Variants in FGGY observed in about 807,000 individuals in gnomAD.
FGGY encodes the protein FGGY carbohydrate kinase domain containing.
FGGY carries 72 observed loss-of-function variants against 71.3 expected under a neutral mutation model. That is an observed-to-expected ratio of 1.01 (90% confidence interval 0.84 to 1.23). The LOEUF (loss-of-function observed/expected upper bound fraction) is 1.23. FGGY is among the 50% of genes most tolerant of loss of function. The pLI, the probability that FGGY is intolerant of heterozygous loss-of-function variation, is 0.00. For synonymous variants in FGGY, 251 were observed against 250.3 expected (o/e 1.00, Z -0.02); for missense variants, 668 against 682.3 (o/e 0.98, Z 0.23).
chr1:59,425,339 T>C (rs767500415), intron 5 of FGGY, among the ~76,000 whole-genome samples: 1 of 152,202 alleles, frequency 6.6e-6, no homozygotes, highest in Non-Finnish European at 1.5e-5. Flanking sequence ...CTTTTAAGTG[T>C]GTTTTGGGGA....
At chr1:59,465,954 C>A (rs1421135684) in intron 6 of FGGY, among the ~76,000 whole-genome samples, 2 of 152,032 alleles carry the variant, frequency 1.3e-5, no homozygotes, top group Non-Finnish European at 2.9e-5. Flanking sequence ...AGATTCCATG[C>A]CATTCCCATC....
intron 12 of FGGY, among the ~76,000 whole-genome samples, chr1:59,661,676 G>A (rs6683584): frequency 0.039 from 5,961 of 151,960 alleles, 250 homozygotes; most frequent in African/African-American, 0.11. Context: ...TGATAATAAT[G>A]AGTGAATTAA....
chr1:59,370,316 A>G (rs140764608), intron 4 of FGGY, among the ~76,000 whole-genome samples: 4,267 of 152,216 alleles, frequency 0.028, 218 homozygotes, highest in African/African-American at 0.097. Flanking sequence ...GCGATGGAAG[A>G]TGAAATGAAT....
intron 1 of FGGY, chr1:59,310,284 T>C (rs2044081008): frequency 6.6e-6 from 1 of 152,180 alleles, no homozygotes; most frequent in Admixed American, 6.5e-5. Flanking sequence ...TCTTGTTCTG[T>C]AGAAAATCAT....
intron 11 of FGGY, among the ~76,000 whole-genome samples, chr1:59,650,021 G>T (rs2097141152): frequency 6.7e-6 from 1 of 148,382 alleles, no homozygotes; most frequent in African/African-American, 2.6e-5. Context: ...TGTGGTTTTT[G>T]TCTTTGGCTC....
chr1:59,411,432 A>G (rs1317912900), intron 5 of FGGY, among the ~76,000 whole-genome samples: 2 of 152,140 alleles, frequency 1.3e-5, no homozygotes, highest in Admixed American at 6.5e-5. Context: ...TAAAGTTACT[A>G]TTTTTCCATT....
chr1:59,535,563 A>T (rs998869365), intron 7 of FGGY, among the ~76,000 whole-genome samples: 1 of 152,118 alleles, frequency 6.6e-6, no homozygotes, highest in African/African-American at 2.4e-5. Context: ...CTATTCCAAA[A>T]TTGACCACAT....
chr1:59,491,057 T>TTCCTTTCCTTTCCTTCCCTCCCTC (rs1558108260), intron 6 of FGGY, among the ~76,000 whole-genome samples: 1 of 13,690 alleles, frequency 7.3e-5, no homozygotes, highest in Non-Finnish European at 1.4e-4. Context: ...CTTCCTTCCT[T>TTCCTTTCCTTTCCTTCCCTCCCTC]CCTTCCTTCC....
intron 1 of FGGY, among the ~76,000 whole-genome samples, chr1:59,315,013 T>C (rs2045153311): frequency 6.6e-6 from 1 of 152,164 alleles, no homozygotes; most frequent in Non-Finnish European, 1.5e-5. Context: ...GTGTCATGGG[T>C]TCCACAGGTG....
chr1:59,393,885 T>A (rs750735911), intron 5 of FGGY, among the ~76,000 whole-genome samples: 14 of 152,214 alleles, frequency 9.2e-5, no homozygotes, highest in Non-Finnish European at 2.1e-4. Flanking sequence ...CACAATGTCG[T>A]CTATTCTGTC....
intron 10 of FGGY, 97 bp downstream of exon 10, chr1:59,626,146 A>ATTTTC: frequency 1.1e-6 from 1 of 926,658 alleles, no homozygotes; most frequent in Non-Finnish European, 1.7e-6. Context: ...TCCTACAGAC[A>ATTTTC]ATGAAAATGC....
chr1:59,584,147 C>T (rs1483987965), intron 8 of FGGY, among the ~76,000 whole-genome samples: 2 of 149,714 alleles, frequency 1.3e-5, no homozygotes, highest in Admixed American at 1.3e-4. Context: ...AGAGGGAATC[C>T]TCCCTAACTC....
chr1:59,475,541 G>T (rs1180660830), intron 6 of FGGY, among the ~76,000 whole-genome samples: 6 of 152,206 alleles, frequency 3.9e-5, no homozygotes, highest in Admixed American at 3.9e-4. Flanking sequence ...ACTTGGGGAA[G>T]CCAGGATTGA....
At chr1:59,537,620 A>T (rs1179120038) in intron 7 of FGGY, among the ~76,000 whole-genome samples, 1 of 152,222 alleles carries the variant, frequency 6.6e-6, no homozygotes, top group Non-Finnish European at 1.5e-5. Context: ...CAGTAACCAA[A>T]ACAGCATGGT....
Position 59,332,343 on chromosome 1 carries a change from A to G in FGGY, c.202-7615A>G, listed in dbSNP as rs575452361. On this transcript the variant is annotated intron_variant, in intron 2 of 15. Transcript: ENST00000303721. The stretch of plus-strand genomic sequence containing the variant: ...ATTCTCTTGATTCCAAGCTGTTACA[A>G]TGAGATTACTGGGCTGCTTTCTTCT... Among the ~76,000 whole-genome samples, 7 of 152,252 alleles carry G rather than the reference A, an allele frequency of 4.6e-5. No individual in the cohort carries two copies. The East Asian group carries it at 1.3e-3, about 29-fold the overall frequency.
intron 11 of FGGY, among the ~76,000 whole-genome samples, chr1:59,644,291 G>C (rs1285655430): frequency 1.3e-5 from 2 of 152,156 alleles, no homozygotes; most frequent in Non-Finnish European, 1.5e-5. Context: ...CCTTATGCTT[G>C]ATAGTATCAT....
At chr1:59,740,816 T>C (rs747025875) in intron 14 of FGGY, among the ~76,000 whole-genome samples, 8 of 152,218 alleles carry the variant, frequency 5.3e-5, no homozygotes, top group South Asian at 2.1e-4. Context: ...GCTCTAGACC[T>C]GTGCTATCCA....
At chr1:59,761,035 A>G (rs1399824590) in intron 15 of FGGY, among the ~76,000 whole-genome samples, 3 of 152,254 alleles carry the variant, frequency 2.0e-5, no homozygotes, top group African/African-American at 7.2e-5. Context: ...AAATTTAGTA[A>G]CTAGCATTTA....
Position 59,660,263 on chromosome 1 carries a change from T to A in FGGY, c.1266T>A (p.Ile422=). ...KLSQDLDDLA[I]LYLATVQAIA... ...CTCAGGACCTTGATGATCTTGCCAT[T>A]CTCTACCTGGCCACAGTTCAAGCCA... Residue 422 remains isoleucine, a synonymous_variant, in exon 12 of 16, where the codon ATT becomes ATA. Transcript: ENST00000303721. 6.2e-7 allele frequency: 1 copy of A among 1,613,480 alleles called. No homozygotes were observed. The highest frequency in any genetic ancestry group is 8.5e-7 in the Non-Finnish European group (1 of 1,180,000).
Sources: allele counts gnomAD v4.1 joint callset (sites outside exome capture counted in the v4.1 genomes callset), GRCh38; gene constraint gnomAD v4.1.1; transcripts MANE v1.5; gene names NCBI Gene and HGNC (gene_info 2026-07-23, HGNC 2026-07-21).